Variants in PRKN observed in about 807,000 individuals in gnomAD.
PRKN encodes E3 ubiquitin-protein ligase parkin.
In PRKN, 56 loss-of-function variants were observed where a neutral mutation model predicts 59.5. The ratio of observed to expected loss-of-function variants is 0.94; its 90% confidence interval spans 0.76 to 1.18. PRKN has a LOEUF of 1.18. Among genes scored for constraint, PRKN ranks in the 50% most tolerant of loss-of-function variants. The pLI is 0.00. For synonymous variants in PRKN, 250 were observed against 222.1 expected (o/e 1.13, Z -1.12); for missense variants, 657 against 596.4 (o/e 1.10, Z -1.06).
At chr6:162,268,782 T>C (rs935555222) in intron 2 of PRKN, among the ~76,000 whole-genome samples, 1 of 152,096 alleles carries the variant, frequency 6.6e-6, no homozygotes, top group Non-Finnish European at 1.5e-5. Flanking sequence ...AAGTGGAGAC[T>C]TGGATGAGGC....
chr6:161,716,009 A>G (rs1413613438), intron 7 of PRKN: 3 of 844,938 alleles, frequency 3.6e-6, no homozygotes, highest in Non-Finnish European at 5.3e-6. Context: ...ATATTTAACA[A>G]GCTCTTCTGG....
At chr6:162,214,035 C>T (rs1777528158) in intron 3 of PRKN, among the ~76,000 whole-genome samples, 1 of 151,968 alleles carries the variant, frequency 6.6e-6, no homozygotes, top group African/African-American at 2.4e-5. Flanking sequence ...TGGCTCAATG[C>T]TGTTAGGGAG....
chr6:161,601,064 T>C (rs541244207), intron 7 of PRKN, among the ~76,000 whole-genome samples: 1 of 152,232 alleles, frequency 6.6e-6, no homozygotes, highest in Non-Finnish European at 1.5e-5. Context: ...ACTATATGAA[T>C]CTTTTCTAAA....
intron 2 of PRKN, among the ~76,000 whole-genome samples, chr6:162,335,211 G>A (rs1754864663): frequency 6.7e-6 from 1 of 148,514 alleles, no homozygotes; most frequent in African/African-American, 2.5e-5. Flanking sequence ...TTTTTTAATT[G>A]TTGTATTTTT....
At chr6:162,530,566 A>G (rs1269660195) in intron 1 of PRKN, among the ~76,000 whole-genome samples, 2 of 152,174 alleles carry the variant, frequency 1.3e-5, no homozygotes, top group Non-Finnish European at 2.9e-5. Flanking sequence ...AATGAAGAAC[A>G]CAGTCTGCCT....
Position 162,165,656 on chromosome 6 carries a change from A to G in PRKN, c.534+35475T>C, listed in dbSNP as rs147688307. Among the ~76,000 whole-genome samples the G allele has an allele frequency of 6.5e-3, 972 of 149,448 alleles. 115 individuals are homozygous for G. Among genetic ancestry groups the G allele is most frequent in the African/African-American group, 0.023 (931 of 39,844 alleles). On this transcript the variant is annotated intron_variant, in intron 4 of 11. Coordinates refer to ENST00000366898, the MANE Select transcript of PRKN (RefSeq NM_004562.3). ...AGGCGGCGGAGCCACCGTAATGCTC[A>G]TGAAGAGTCAGAGGTTTGACCTTTT... is the stretch of plus-strand genomic sequence containing the variant.
chr6:162,477,996 AAGCGCAGGGTCCTAG>A (rs1387026960), intron 1 of PRKN, among the ~76,000 whole-genome samples: 3 of 152,134 alleles, frequency 2.0e-5, no homozygotes, highest in African/African-American at 7.2e-5. Flanking sequence ...CAGGGTCCTA[AAGCGCAGGGTCCTAG>A]AGCACAGGGT....
chr6:161,394,548 C>G (rs1786662899), intron 9 of PRKN, among the ~76,000 whole-genome samples: 1 of 152,200 alleles, frequency 6.6e-6, no homozygotes, highest in African/African-American at 2.4e-5. Flanking sequence ...CTGAAAAGAT[C>G]CCCGAAAATC....
intron 1 of PRKN, among the ~76,000 whole-genome samples, chr6:162,444,649 C>T (rs1232838076): frequency 6.6e-6 from 1 of 152,122 alleles, no homozygotes; most frequent in Non-Finnish European, 1.5e-5. Context: ...CTGCAAAAGC[C>T]TGATCTTCCT....
Position 161,563,995 on chromosome 6 carries a change from C to T in PRKN, c.933+5360G>A, listed in dbSNP as rs1297636089. ...TATTCTAAGAGATGATTGAGCTTCA[C>T]TCTCCCTTGTCTACAAAAAGCTAAG... On this transcript the variant is annotated intron_variant, in intron 8 of 11. Transcript: ENST00000366898. Among the ~76,000 whole-genome samples the T allele has an allele frequency of 3.3e-5, 5 of 152,194 alleles. No homozygotes were observed. The South Asian group carries it at 8.3e-4, about 25-fold the overall frequency.
intron 1 of PRKN, among the ~76,000 whole-genome samples, chr6:162,540,396 T>C (rs1778881549): frequency 6.6e-6 from 1 of 152,014 alleles, no homozygotes; most frequent in Non-Finnish European, 1.5e-5. Context: ...AATTCAAAGA[T>C]CCCATTAATG....
intron 7 of PRKN, among the ~76,000 whole-genome samples, chr6:161,764,947 A>T (rs897414000): frequency 2.6e-5 from 4 of 152,246 alleles, no homozygotes. Context: ...CTGAGCTCTG[A>T]CAAATATGCC....
chr6:161,829,209 G>A (rs1184332647), intron 6 of PRKN, among the ~76,000 whole-genome samples: 1 of 152,180 alleles, frequency 6.6e-6, no homozygotes. Flanking sequence ...CTGGGTGACA[G>A]AGCCAGACTC....
At chr6:161,898,116 C>G (rs1265529674) in intron 6 of PRKN, among the ~76,000 whole-genome samples, 3 of 151,868 alleles carry the variant, frequency 2.0e-5, no homozygotes, top group Admixed American at 1.3e-4. Flanking sequence ...CATAGTAAAG[C>G]AAAATCACTA....
chr6:162,021,461 A>ATTTTTT (rs72433488), intron 5 of PRKN, among the ~76,000 whole-genome samples: 1 of 24,668 alleles, frequency 4.1e-5, no homozygotes, highest in African/African-American at 9.1e-5. Flanking sequence ...ATATATATAT[A>ATTTTTT]TTTTTTTTTT....
intron 7 of PRKN, among the ~76,000 whole-genome samples, chr6:161,650,201 T>C (rs902424063): frequency 2.0e-5 from 3 of 152,196 alleles, no homozygotes; most frequent in Admixed American, 1.3e-4. Flanking sequence ...ACGAGCATAA[T>C]GCAATATTTG....
chr6:161,603,617 C>A (rs1251745256), intron 7 of PRKN, among the ~76,000 whole-genome samples: 1 of 152,148 alleles, frequency 6.6e-6, no homozygotes, highest in African/African-American at 2.4e-5. Flanking sequence ...CCTCTCTTAC[C>A]TGACTTTTAT....
intron 1 of PRKN, among the ~76,000 whole-genome samples, chr6:162,586,501 A>G (rs1781065357): frequency 6.6e-6 from 1 of 152,120 alleles, no homozygotes; most frequent in South Asian, 2.1e-4. Flanking sequence ...CCCCATTACC[A>G]TGTTCTGGTT....
intron 1 of PRKN, among the ~76,000 whole-genome samples, chr6:162,525,439 G>A (rs985304001): frequency 6.6e-6 from 1 of 152,016 alleles, no homozygotes; most frequent in Non-Finnish European, 1.5e-5. Flanking sequence ...TGGCCACATC[G>A]CTCACTCCCT....
Sources: allele counts gnomAD v4.1 joint callset (sites outside exome capture counted in the v4.1 genomes callset), GRCh38; gene constraint gnomAD v4.1.1; transcripts MANE v1.5; gene names NCBI Gene and HGNC (gene_info 2026-07-23, HGNC 2026-07-21).